The following MIPOL1 variants were observed in gnomAD, a reference collection of about 807,000 sequenced individuals.
MIPOL1 encodes mirror-image polydactyly gene 1 protein.
In MIPOL1, 57 loss-of-function variants were observed where a neutral mutation model predicts 60.9. That is an observed-to-expected ratio of 0.94 (90% CI 0.76 to 1.17). The LOEUF (loss-of-function observed/expected upper bound fraction) is 1.17, where lower values mean the gene tolerates loss of function less well. MIPOL1 is among the 50% of genes most tolerant of loss of function. The pLI, the probability that MIPOL1 is intolerant of heterozygous loss-of-function variation, is 0.00. For synonymous variants in MIPOL1, 179 were observed against 168.8 expected, an observed-to-expected ratio of 1.06 and a Z score of -0.47; for missense variants, 551 against 511.6, an observed-to-expected ratio of 1.08 and a Z score of -0.74.
intron 12 of MIPOL1, among the ~76,000 whole-genome samples, chr14:37,534,995 T>TTGAAA (rs1294750362): frequency 1.1e-4 from 16 of 152,136 alleles, no homozygotes; most frequent in Non-Finnish European, 2.1e-4. Context: ...AATCCAAAAC[T>TTGAAA]TGAAATAAAA....
intron 1 of MIPOL1, among the ~76,000 whole-genome samples, chr14:37,236,617 T>C (rs1220760837): frequency 1.3e-5 from 2 of 152,012 alleles, no homozygotes; most frequent in Non-Finnish European, 2.9e-5. Context: ...TTTGTATTTT[T>C]AGTAGAGACG....
chr14:37,261,679 A>G (rs1378395726), intron 3 of MIPOL1, among the ~76,000 whole-genome samples: 1 of 152,196 alleles, frequency 6.6e-6, no homozygotes, highest in Non-Finnish European at 1.5e-5. Context: ...GATTCTAAAG[A>G]TAATAGTAGC....
chr14:37,338,108 A>ATTTTT (rs61425558), intron 9 of MIPOL1, among the ~76,000 whole-genome samples: 3 of 134,874 alleles, frequency 2.2e-5, no homozygotes, highest in African/African-American at 5.5e-5. Flanking sequence ...ATTTAATTTA[A>ATTTTT]TTTTTTTTTT....
intron 9 of MIPOL1, among the ~76,000 whole-genome samples, chr14:37,353,716 G>C (rs1272305131): frequency 2.0e-5 from 3 of 152,104 alleles, no homozygotes; most frequent in African/African-American, 7.2e-5. Flanking sequence ...AGTATTCTCT[G>C]ATGGTAGTTT....
chr14:37,269,768 T>C (rs2083149777), intron 5 of MIPOL1, among the ~76,000 whole-genome samples: 1 of 152,154 alleles, frequency 6.6e-6, no homozygotes, highest in African/African-American at 2.4e-5. Context: ...GGCAAATCCC[T>C]TCCAAATATT....
intron 1 of MIPOL1, among the ~76,000 whole-genome samples, chr14:37,212,856 C>T (rs539231416): frequency 6.6e-6 from 1 of 152,104 alleles, no homozygotes; most frequent in African/African-American, 2.4e-5. Context: ...CCCAGATTTA[C>T]GTGTCATAGA....
At chr14:37,206,255 A>G (rs1304095675) in intron 1 of MIPOL1, among the ~76,000 whole-genome samples, 1 of 152,198 alleles carries the variant, frequency 6.6e-6, no homozygotes, top group Non-Finnish European at 1.5e-5. Context: ...CAGACACGCC[A>G]GCCTTGGCTG....
chr14:37,474,516 A>G (rs1384456711), intron 11 of MIPOL1, among the ~76,000 whole-genome samples: 3 of 152,202 alleles, frequency 2.0e-5, no homozygotes, highest in African/African-American at 7.2e-5. Context: ...GTCTGCCACC[A>G]TGTAAGACAT....
chr14:37,460,001 C>T (rs948612478), intron 11 of MIPOL1, among the ~76,000 whole-genome samples: 2 of 152,030 alleles, frequency 1.3e-5, no homozygotes, highest in Non-Finnish European at 2.9e-5. Flanking sequence ...ATTGCTTGAA[C>T]CTGGGAGGCA....
chr14:37,484,030 C>T (rs2094912745), intron 11 of MIPOL1, among the ~76,000 whole-genome samples: 1 of 152,178 alleles, frequency 6.6e-6, no homozygotes, highest in African/African-American at 2.4e-5. Flanking sequence ...AGTATCAGTA[C>T]CATCAACAGA....
intron 3 of MIPOL1, among the ~76,000 whole-genome samples, chr14:37,254,401 A>G (rs1464278399): frequency 6.6e-6 from 1 of 151,854 alleles, no homozygotes; most frequent in Non-Finnish European, 1.5e-5. Flanking sequence ...TCTAATATGA[A>G]TAGTTCATGT....
At chr14:37,401,334 ATAAG>A (rs1456820126) in intron 10 of MIPOL1, 1 of 152,154 alleles carries the variant, frequency 6.6e-6, no homozygotes, top group African/African-American at 2.4e-5. Context: ...ACTGAGTAGA[ATAAG>A]TAAATTACAT....
At chr14:37,198,200 AAGG>A (rs1474833849) in intron 1 of MIPOL1, 96 bp downstream of exon 1, 5 of 152,178 alleles carry the variant, frequency 3.3e-5, no homozygotes, top group African/African-American at 9.7e-5. Context: ...TTCCTTGGAG[AAGG>A]AGAAGGGGCC....
intron 3 of MIPOL1, 80 bp from the exon 4 acceptor site, chr14:37,266,858 A>G: frequency 1.0e-6 from 1 of 985,586 alleles, no homozygotes. Context: ...GTGTTTCCAA[A>G]AATATTTATT....
At chr14:37,455,017 C>T (rs2094461857) in intron 11 of MIPOL1, among the ~76,000 whole-genome samples, 1 of 152,128 alleles carries the variant, frequency 6.6e-6, no homozygotes, top group Non-Finnish European at 1.5e-5. Context: ...TTAACCCCAA[C>T]CTGTATGCTG....
At chr14:37,307,315 AATTAT>A (rs2086869439) in intron 7 of MIPOL1, among the ~76,000 whole-genome samples, 1 of 151,936 alleles carries the variant, frequency 6.6e-6, no homozygotes, top group African/African-American at 2.4e-5. Flanking sequence ...TGGTTGCCTA[AATTAT>A]ATTATAGACA....
chr14:37,293,572 T>A (rs367595881), intron 7 of MIPOL1, among the ~76,000 whole-genome samples: 2 of 151,848 alleles, frequency 1.3e-5, no homozygotes, highest in South Asian at 4.2e-4. Flanking sequence ...AAGAAAGGGG[T>A]GACAGACGGC....
chr14:37,521,325 C>T (rs943410781), intron 12 of MIPOL1, among the ~76,000 whole-genome samples: 1 of 152,092 alleles, frequency 6.6e-6, no homozygotes, highest in African/African-American at 2.4e-5. Flanking sequence ...GCCTTTATGC[C>T]AGTATATGAA....
intron 12 of MIPOL1, among the ~76,000 whole-genome samples, chr14:37,536,207 G>A (rs1356787775): frequency 6.6e-6 from 1 of 152,186 alleles, no homozygotes; most frequent in East Asian, 1.9e-4. Context: ...ATTGTTGGCT[G>A]TATCTCCAAA....
Sources: gnomAD v4.1 joint callset for allele counts (sites outside exome capture counted in the v4.1 genomes callset) on GRCh38, gnomAD v4.1.1 for gene constraint, MANE v1.5 for transcripts, NCBI Gene and HGNC (gene_info 2026-07-23, HGNC 2026-07-21) for gene names.